The following PCNX1 variants were observed in gnomAD, a reference collection of about 807,000 sequenced individuals.
PCNX1 encodes the protein pecanex 1, also known as pecanex-like protein 1.
In PCNX1, 78 loss-of-function variants were observed where a neutral mutation model predicts 242.2. The ratio of observed to expected loss-of-function variants is 0.32; its 90% CI spans 0.27 to 0.39. The LOEUF (loss-of-function observed/expected upper bound fraction) is 0.39, where lower values mean the gene tolerates loss of function less well. PCNX1 is among the 10% of genes least tolerant of loss of function. PCNX1 has a pLI of 1.00. For missense variants in PCNX1, 2,581 were observed against 2,856.5 expected, an observed-to-expected ratio of 0.90 and a Z score of 2.20; for synonymous variants, 1,024 against 1,032.9, an observed-to-expected ratio of 0.99 and a Z score of 0.17.
chr14:70,944,259 A>G (rs1407262434), intron 1 of PCNX1, among the ~76,000 whole-genome samples: 3 of 152,174 alleles, frequency 2.0e-5, no homozygotes, highest in African/African-American at 7.2e-5. Context: ...GGGGAGCTGT[A>G]CCCTGCAAAG....
intron 2 of PCNX1, among the ~76,000 whole-genome samples, chr14:70,951,734 T>C (rs1430599317): frequency 6.6e-6 from 1 of 152,086 alleles, no homozygotes; most frequent in African/African-American, 2.4e-5. Flanking sequence ...GATATCTTCA[T>C]GTGTGCTTAT....
chr14:70,951,620 C>T (rs1255793785), intron 2 of PCNX1, among the ~76,000 whole-genome samples: 1 of 152,146 alleles, frequency 6.6e-6, no homozygotes, highest in Non-Finnish European at 1.5e-5. Flanking sequence ...GGTAATCTGC[C>T]TGCCTCGGTC....
chr14:71,008,739 A>G (rs2140506851), intron 8 of PCNX1, among the ~76,000 whole-genome samples: 1 of 152,040 alleles, frequency 6.6e-6, no homozygotes, highest in South Asian at 2.1e-4. Context: ...ATAAATGCTC[A>G]AAAAGCAACC....
chr14:71,062,544 A>G (rs1057166597), intron 26 of PCNX1, among the ~76,000 whole-genome samples: 16 of 152,050 alleles, frequency 1.1e-4, no homozygotes, highest in African/African-American at 3.9e-4. Flanking sequence ...GATATAAGGA[A>G]AAAATATTTT....
intron 22 of PCNX1, among the ~76,000 whole-genome samples, chr14:71,049,805 T>TTA (rs2060970281): frequency 6.6e-6 from 1 of 152,242 alleles, no homozygotes; most frequent in Admixed American, 6.5e-5. Flanking sequence ...AGTTAAAGTA[T>TTA]TTTAAAGGAT....
intron 2 of PCNX1, among the ~76,000 whole-genome samples, chr14:70,955,674 AACT>A (rs1291214208): frequency 6.6e-6 from 1 of 152,174 alleles, no homozygotes; most frequent in East Asian, 1.9e-4. Context: ...GAGAATTATA[AACT>A]ACTATGCTTT....
At chr14:71,006,911 T>C (rs2059684897) in intron 8 of PCNX1, among the ~76,000 whole-genome samples, 1 of 152,186 alleles carries the variant, frequency 6.6e-6, no homozygotes, top group African/African-American at 2.4e-5. Flanking sequence ...TGAGGCCTTA[T>C]TACAGTGTTA....
Position 71,112,095 on chromosome 14 carries a change from C to G in PCNX1, c.*2160C>G, listed in dbSNP as rs1041133033. On this transcript the variant is annotated 3_prime_UTR_variant, in exon 36 of 36. Transcript: ENST00000304743. ...CTTCCCTTTCTGAAGTGAATATGAT[C>G]TTTTCATGGTCATTGCCTAGATAAA... is the stretch of plus-strand genomic sequence containing the variant. 6.6e-6 allele frequency: 1 copy of G among 152,362 alleles called. No homozygotes were observed. The highest frequency in any genetic ancestry group is 1.5e-5 in the Non-Finnish European group (1 of 67,910). The allele number at this position is 152,362 out of a possible 1,614,324, so 9.4% of individuals were successfully genotyped here.
chr14:71,108,444 G>A (rs200706475), intron 33 of PCNX1, among the ~76,000 whole-genome samples, 160 bp from the exon 34 acceptor site: 3 of 152,136 alleles, frequency 2.0e-5, no homozygotes, highest in East Asian at 1.9e-4. Flanking sequence ...TCTCAGATAC[G>A]TATTTCTTTT....
chr14:71,051,747 C>T (rs554275675), intron 23 of PCNX1, 136 bp from the exon 24 acceptor site: 1 of 775,930 alleles, frequency 1.3e-6, no homozygotes, highest in Middle Eastern at 2.4e-4. Flanking sequence ...CAGTGATATA[C>T]CTTCTTTTGT....
intron 30 of PCNX1, among the ~76,000 whole-genome samples, chr14:71,090,327 A>T (rs1224867476): frequency 6.6e-6 from 1 of 152,238 alleles, no homozygotes; most frequent in Non-Finnish European, 1.5e-5. Flanking sequence ...ATCAGATCTG[A>T]TGATAGAGAC....
At chr14:70,914,323 G>T (rs2056059305) in intron 1 of PCNX1, among the ~76,000 whole-genome samples, 1 of 83,872 alleles carries the variant, frequency 1.2e-5, no homozygotes, top group Non-Finnish European at 2.7e-5. Flanking sequence ...GTACCTTGCT[G>T]AATCTAAAGG....
chr14:71,001,023 A>C (rs2059490516), intron 8 of PCNX1, among the ~76,000 whole-genome samples: 2 of 152,222 alleles, frequency 1.3e-5, no homozygotes, highest in Admixed American at 6.5e-5. Flanking sequence ...GATGGCAAAA[A>C]TAATGGCTAC....
At chr14:71,044,094 G>A (rs985525634) in intron 19 of PCNX1, among the ~76,000 whole-genome samples, 3 of 152,180 alleles carry the variant, frequency 2.0e-5, no homozygotes, top group African/African-American at 7.2e-5. Context: ...ACTGTAATTA[G>A]TGATAGTGAT....
chr14:70,986,887 T>C (rs1364901965), intron 6 of PCNX1, among the ~76,000 whole-genome samples: 2 of 152,254 alleles, frequency 1.3e-5, no homozygotes, highest in Non-Finnish European at 2.9e-5. Flanking sequence ...AATAGAAATC[T>C]TTAATATAAT....
intron 2 of PCNX1, among the ~76,000 whole-genome samples, chr14:70,952,581 A>AT (rs34882996): frequency 0.12 from 17,814 of 150,494 alleles, 1,145 homozygotes; most frequent in Admixed American, 0.2. Flanking sequence ...TCTATGAGAG[A>AT]TTTTTTTTTT....
In PCNX1 at chr14:70,946,979, T is replaced by C; in HGVS notation, c.218T>C (p.Val73Ala). The C allele has an allele frequency of 6.2e-7, 1 of 1,613,978 alleles. No homozygotes were observed. The highest frequency in any genetic ancestry group is 1.1e-5 in the South Asian group (1 of 91,072). The change falls in exon 2 of 36, where the codon GTT (valine) becomes GCT (alanine). Residue 73 changes from valine to alanine, a missense_variant. Coordinates refer to ENST00000304743, the MANE Select transcript of PCNX1 (RefSeq NM_014982.3). ...CCTGTGATAGCTGCTGTTTTCATTG[T>C]TCTGAAGATGGTCAACTATCGACTA... ...YCPVIAAVFIVLKMVNYRLHR... is the reference protein window; with the variant it reads ...YCPVIAAVFIALKMVNYRLHR...
chr14:71,103,832 T>C (rs10144794), intron 32 of PCNX1, among the ~76,000 whole-genome samples, 163 bp downstream of exon 32: 250 of 152,338 alleles, frequency 1.6e-3, no homozygotes, highest in African/African-American at 5.7e-3. Flanking sequence ...AGCATTCTTA[T>C]CTTCAAAATC....
intron 2 of PCNX1, among the ~76,000 whole-genome samples, chr14:70,958,341 A>T (rs1183406796): frequency 6.6e-6 from 1 of 152,248 alleles, no homozygotes; most frequent in Non-Finnish European, 1.5e-5. Context: ...AATTGATAAT[A>T]AAAACACACT....
Sources: allele counts gnomAD v4.1 joint callset (sites outside exome capture counted in the v4.1 genomes callset), GRCh38; gene constraint gnomAD v4.1.1; transcripts MANE v1.5; gene names NCBI Gene and HGNC (gene_info 2026-07-23, HGNC 2026-07-21).